The following NAA15 variants were observed in gnomAD, a reference collection of about 807,000 sequenced individuals.
NAA15 encodes the protein N-alpha-acetyltransferase 15, NatA auxiliary subunit, also known as N-terminal acetyltransferase.
Under a neutral mutation model 114.0 loss-of-function variants are expected in NAA15, and 34 were observed. The observed-to-expected ratio is 0.30, with a 90% CI of 0.23 to 0.40. The LOEUF (loss-of-function observed/expected upper bound fraction) is 0.40, where lower values mean the gene tolerates loss of function less well. Ranked by LOEUF, NAA15 falls within the 10% of genes least tolerant of loss-of-function variation. NAA15 has a pLI of 1.00. For synonymous variants in NAA15, 340 were observed against 338.0 expected (o/e 1.01, Z -0.06); for missense variants, 658 against 1,004.5 (o/e 0.66, Z 4.66).
intron 1 of NAA15, among the ~76,000 whole-genome samples, chr4:139,325,576 T>C (rs1486244358): frequency 6.6e-6 from 1 of 152,186 alleles, no homozygotes; most frequent in African/African-American, 2.4e-5. Flanking sequence ...AAAATACCAA[T>C]TGGAATCCTG....
chr4:139,371,282 G>T (rs1238340468), intron 15 of NAA15, among the ~76,000 whole-genome samples: 1 of 151,974 alleles, frequency 6.6e-6, no homozygotes, highest in Non-Finnish European at 1.5e-5. Flanking sequence ...GTGGACAGTA[G>T]TATCACGTAG....
At chr4:139,376,969 G>C (rs1046552877) in intron 16 of NAA15, among the ~76,000 whole-genome samples, 4 of 152,182 alleles carry the variant, frequency 2.6e-5, no homozygotes, top group African/African-American at 9.7e-5. Flanking sequence ...GAGGTTGTCT[G>C]AATTGCCTGG....
rs753986206 is a variant in NAA15 at position 139,336,859 on chromosome 4, A to C, written c.151A>C (p.Met51Leu). The C allele has an allele frequency of 6.5e-7, 1 of 1,536,126 alleles. No individual in the cohort carries two copies. Among genetic ancestry groups the C allele is most frequent in the Non-Finnish European group, 8.7e-7 (1 of 1,144,404 alleles). ...KFAEHGETLAMKGLTLNCLGK... is the reference protein window; with the variant it reads ...KFAEHGETLALKGLTLNCLGK... ...GTTTTTGAAAATAGAAACCTTGGCT[A>C]TGAAAGGATTAACATTGAACTGTTT... Residue 51 changes from methionine to leucine, a missense_variant, in exon 3 of 20, where the codon ATG becomes CTG. Physicochemically the swap from Met to Leu is conservative, Grantham distance 15. This residue lies in a region of NAA15 where 75 missense variants were observed against 172.3 expected (regional missense o/e 0.44). Transcript: ENST00000296543.
At chr4:139,370,882 G>A (rs1003684483) in intron 15 of NAA15, among the ~76,000 whole-genome samples, 22 of 152,254 alleles carry the variant, frequency 1.4e-4, no homozygotes, top group African/African-American at 4.6e-4. Context: ...AGGACTATAC[G>A]TGTATCTCCC....
intron 15 of NAA15, among the ~76,000 whole-genome samples, chr4:139,374,677 ACGATGTATGAGT>A (rs1366747205): frequency 2.6e-5 from 4 of 152,162 alleles, no homozygotes; most frequent in Non-Finnish European, 5.9e-5. Flanking sequence ...CTTGTTCTGC[ACGATGTATGAGT>A]AAATATAGAG....
intron 5 of NAA15, 32 bp from the exon 6 acceptor site, chr4:139,344,154 T>G: frequency 6.6e-7 from 1 of 1,520,018 alleles, no homozygotes; most frequent in African/African-American, 1.4e-5. Flanking sequence ...AATAAAATTC[T>G]TACTGTCAGT....
chr4:139,309,706 T>A (rs981581916), intron 1 of NAA15, among the ~76,000 whole-genome samples: 3 of 152,196 alleles, frequency 2.0e-5, no homozygotes, highest in African/African-American at 7.2e-5. Context: ...TGAAATGTTT[T>A]AAAAAATATT....
At chr4:139,318,435 A>G (rs1381359559) in intron 1 of NAA15, 1 of 152,188 alleles carries the variant, frequency 6.6e-6, no homozygotes, top group Non-Finnish European at 1.5e-5. Context: ...GATTATTAGC[A>G]TGGCCCTTGC....
chr4:139,365,379 G>T (rs1216475783), intron 14 of NAA15, among the ~76,000 whole-genome samples: 1 of 152,104 alleles, frequency 6.6e-6, no homozygotes, highest in Admixed American at 6.5e-5. Flanking sequence ...GTATAGCATA[G>T]AAGAAGCCTA....
At chr4:139,327,359 C>A (rs1347339781) in intron 1 of NAA15, among the ~76,000 whole-genome samples, 1 of 152,196 alleles carries the variant, frequency 6.6e-6, no homozygotes, top group African/African-American at 2.4e-5. Flanking sequence ...AAGTGATTCT[C>A]ATGCCTCAGC....
chr4:139,331,971 C>T (rs1747026187), intron 1 of NAA15, among the ~76,000 whole-genome samples: 1 of 152,072 alleles, frequency 6.6e-6, no homozygotes, highest in Non-Finnish European at 1.5e-5. Flanking sequence ...GTATTTCTGT[C>T]ATGAGCTTAT....
In NAA15 at chr4:139,387,916, T is replaced by TGGTAGCCTA; in HGVS notation, c.2436_2444dup (p.Ser813_Gly815dup). 1 of 1,614,038 alleles carries TGGTAGCCTA rather than the reference T, an allele frequency of 6.2e-7. No homozygotes were observed. The highest frequency in any genetic ancestry group is 8.5e-7 in the Non-Finnish European group (1 of 1,179,940). ...TGGAGGTATTGGAAGCCTTGTATGA[T>TGGTAGCCTA]GGTAGCCTAGGAGACTGTAAAGAAG... On this transcript the variant is annotated inframe_insertion, in exon 20 of 20. Transcript: ENST00000296543.
At chr4:139,330,181 C>T (rs1026607262) in intron 1 of NAA15, among the ~76,000 whole-genome samples, 1 of 152,236 alleles carries the variant, frequency 6.6e-6, no homozygotes, top group Non-Finnish European at 1.5e-5. Flanking sequence ...ACTTAACCCT[C>T]TTCCTTATAG....
At chr4:139,374,300 A>G (rs1748523603) in intron 15 of NAA15, among the ~76,000 whole-genome samples, 1 of 152,088 alleles carries the variant, frequency 6.6e-6, no homozygotes, top group East Asian at 1.9e-4. Context: ...AGTGAACTCA[A>G]CTCTTCATGA....
chr4:139,335,374 C>T (rs1747164837), intron 2 of NAA15, among the ~76,000 whole-genome samples: 1 of 151,942 alleles, frequency 6.6e-6, no homozygotes, highest in Non-Finnish European at 1.5e-5. Flanking sequence ...GTTTTTTCTT[C>T]TTGTTTTTTG....
At position 139,344,083 on chromosome 4, in the gene NAA15, G is replaced by A. The variant is rs116034207; in HGVS notation, c.538-103G>A. 52,707 of 992,638 alleles carry A rather than the reference G, an allele frequency of 0.053. 1,709 individuals are homozygous for A. The highest frequency in any genetic ancestry group is 0.066 in the Non-Finnish European group (45,298 of 688,096). 61.5% of individuals were successfully genotyped at this position (992,638 alleles called of 1,614,324 possible). On this transcript the variant is annotated intron_variant, in intron 5 of 19. Coordinates refer to ENST00000296543, the MANE Select transcript of NAA15 (RefSeq NM_057175.5). ...TTTTTAAAAATTAGTTTTATCAACC[G>A]GATGTTATCCTTTGACTTCTTACAT... is the stretch of plus-strand genomic sequence containing the variant.
At chr4:139,346,013 G>A (rs924843807) in intron 6 of NAA15, among the ~76,000 whole-genome samples, 22 of 152,150 alleles carry the variant, frequency 1.4e-4, no homozygotes, top group African/African-American at 5.1e-4. Flanking sequence ...CAAATGGGGT[G>A]CCGGTAGGTG....
chr4:139,351,069 C>A (rs1747763517), intron 7 of NAA15, 122 bp from the exon 8 acceptor site: 1 of 489,868 alleles, frequency 2.0e-6, no homozygotes, highest in Admixed American at 3.7e-5. Context: ...TGTAAGATTA[C>A]AAATAATTCC....
intron 1 of NAA15, among the ~76,000 whole-genome samples, chr4:139,330,377 G>T (rs2110886549): frequency 6.6e-6 from 1 of 152,302 alleles, no homozygotes. Flanking sequence ...GGCTACATAT[G>T]ATGAATGATA....
Sources: gnomAD v4.1 joint callset for allele counts (sites outside exome capture counted in the v4.1 genomes callset) on GRCh38, gnomAD v4.1.1 for gene constraint, gnomAD v4.1.1 regional missense constraint, MANE v1.5 for transcripts, NCBI Gene and HGNC (gene_info 2026-07-23, HGNC 2026-07-21) for gene names.